Variants in GRIP1 observed in about 807,000 individuals in gnomAD.
GRIP1 encodes glutamate receptor-interacting protein 1.
GRIP1 carries 45 observed loss-of-function variants against 129.9 expected under a neutral mutation model. That is an observed-to-expected ratio of 0.35 (90% confidence interval 0.27 to 0.44). The LOEUF (loss-of-function observed/expected upper bound fraction) is 0.44, where lower values mean the gene tolerates loss of function less well. GRIP1 is among the 20% of genes least tolerant of loss of function. The probability of loss-of-function intolerance (pLI) is 1.00; values close to 1 mark genes in which losing one functional copy is unlikely to be tolerated. For synonymous variants in GRIP1, 530 were observed against 520.8 expected (o/e 1.02, Z -0.24); for missense variants, 1,196 against 1,396.8 (o/e 0.86, Z 2.29).
At chr12:66,399,087 T>TA (rs2056893960) in intron 16 of GRIP1, among the ~76,000 whole-genome samples, 1 of 151,974 alleles carries the variant, frequency 6.6e-6, no homozygotes, top group Admixed American at 6.5e-5. Context: ...GCTTCCCTGC[T>TA]ATGCCAAGGT....
At chr12:66,457,408 C>A (rs1348225683) in intron 9 of GRIP1, among the ~76,000 whole-genome samples, 1 of 152,166 alleles carries the variant, frequency 6.6e-6, no homozygotes, top group East Asian at 1.9e-4. Context: ...GCTGGCACTA[C>A]AGGCCCACGC....
At chr12:66,718,478 T>G (rs2035960025) in intron 1 of GRIP1, among the ~76,000 whole-genome samples, 1 of 152,206 alleles carries the variant, frequency 6.6e-6, no homozygotes, top group Non-Finnish European at 1.5e-5. Flanking sequence ...ACATAGGTAT[T>G]TCCATGATCA....
At chr12:66,861,528 A>G (rs2040111415) in intron 1 of GRIP1, among the ~76,000 whole-genome samples, 1 of 152,122 alleles carries the variant, frequency 6.6e-6, no homozygotes, top group Non-Finnish European at 1.5e-5. Context: ...AAGTAGAACA[A>G]TTTTATAGAG....
At chr12:66,605,237 A>G (rs1035477097) in intron 1 of GRIP1, among the ~76,000 whole-genome samples, 2 of 152,150 alleles carry the variant, frequency 1.3e-5, no homozygotes, top group Non-Finnish European at 2.9e-5. Context: ...TGAATCATTT[A>G]AACAATTATA....
At chr12:66,627,165 T>C (rs1170355908) in intron 1 of GRIP1, among the ~76,000 whole-genome samples, 4 of 152,200 alleles carry the variant, frequency 2.6e-5, no homozygotes, top group Admixed American at 2.6e-4. Context: ...TATATTACTA[T>C]TGGCTCTTCA....
intron 1 of GRIP1, among the ~76,000 whole-genome samples, chr12:67,054,350 CAG>C (rs1476670701): frequency 6.6e-6 from 1 of 152,134 alleles, no homozygotes; most frequent in African/African-American, 2.4e-5. Flanking sequence ...AGTAACGAAA[CAG>C]ATAAAAATTC....
At chr12:66,469,485 T>C (rs914214785) in intron 7 of GRIP1, among the ~76,000 whole-genome samples, 1 of 152,160 alleles carries the variant, frequency 6.6e-6, no homozygotes, top group Non-Finnish European at 1.5e-5. Flanking sequence ...TGTATGACAA[T>C]AACAATATCC....
chr12:66,868,865 C>T (rs187153491), intron 1 of GRIP1, among the ~76,000 whole-genome samples: 4 of 152,110 alleles, frequency 2.6e-5, no homozygotes, highest in East Asian at 3.9e-4. Context: ...GATAAAACAG[C>T]GAAACATGAG....
At chr12:66,652,698 G>A (rs563941058) in intron 1 of GRIP1, among the ~76,000 whole-genome samples, 1 of 152,348 alleles carries the variant, frequency 6.6e-6, no homozygotes, top group South Asian at 2.1e-4. Flanking sequence ...GCATTTCCCT[G>A]CTGATCTGAG....
At chr12:66,926,711 G>A (rs2041301729) in intron 1 of GRIP1, among the ~76,000 whole-genome samples, 1 of 152,200 alleles carries the variant, frequency 6.6e-6, no homozygotes, top group South Asian at 2.1e-4. Flanking sequence ...TTTGTGAGGT[G>A]CCCAGTCTAT....
chr12:66,837,210 G>C (rs2137036553), intron 1 of GRIP1, among the ~76,000 whole-genome samples: 1 of 152,286 alleles, frequency 6.6e-6, no homozygotes, highest in South Asian at 2.1e-4. Context: ...GCCATAACAG[G>C]CCTGCGGGAT....
intron 1 of GRIP1, among the ~76,000 whole-genome samples, chr12:66,895,224 G>A (rs2040726086): frequency 6.6e-6 from 1 of 152,154 alleles, no homozygotes; most frequent in Non-Finnish European, 1.5e-5. Context: ...CATGTCATGG[G>A]AAGGACCTGG....
chr12:66,921,963 A>G (rs1051444078), intron 1 of GRIP1, among the ~76,000 whole-genome samples: 3 of 152,232 alleles, frequency 2.0e-5, no homozygotes, highest in Non-Finnish European at 4.4e-5. Flanking sequence ...GCAAGGAAAG[A>G]GGATTAGAAA....
chr12:66,550,964 GAA>G (rs2062106840), intron 2 of GRIP1, among the ~76,000 whole-genome samples: 2 of 152,098 alleles, frequency 1.3e-5, no homozygotes, highest in Admixed American at 1.3e-4. Context: ...TTTTCCTTTG[GAA>G]AAACTTTCCA....
chr12:66,551,206 T>A (rs77772249), intron 2 of GRIP1, among the ~76,000 whole-genome samples: 1 of 152,348 alleles, frequency 6.6e-6, no homozygotes, highest in Non-Finnish European at 1.5e-5. Flanking sequence ...TGGTAGAGGC[T>A]AGTATTTTGA....
intron 7 of GRIP1, among the ~76,000 whole-genome samples, chr12:66,492,189 T>C (rs1205690618): frequency 6.6e-6 from 1 of 152,034 alleles, no homozygotes; most frequent in African/African-American, 2.4e-5. Context: ...AAAAGTATCC[T>C]AGTTCTTTCA....
At chr12:66,438,390 G>C (rs753900717) in intron 13 of GRIP1, among the ~76,000 whole-genome samples, 11 of 152,100 alleles carry the variant, frequency 7.2e-5, no homozygotes, top group Non-Finnish European at 7.4e-5. Context: ...AGGAACCCCA[G>C]AGAAACAGTA....
intron 1 of GRIP1, among the ~76,000 whole-genome samples, chr12:66,788,223 A>C (rs546573181): frequency 6.6e-6 from 1 of 152,150 alleles, no homozygotes; most frequent in African/African-American, 2.4e-5. Context: ...AATACAAAAA[A>C]CACAAAAATA....
At chr12:67,051,164 G>C (rs906461121) in intron 1 of GRIP1, among the ~76,000 whole-genome samples, 2 of 152,050 alleles carry the variant, frequency 1.3e-5, no homozygotes, top group Non-Finnish European at 2.9e-5. Context: ...CAGGAACATA[G>C]GCAGAGCCTG....
Sources: allele counts gnomAD v4.1 joint callset (sites outside exome capture counted in the v4.1 genomes callset), GRCh38; gene constraint gnomAD v4.1.1; transcripts MANE v1.5; gene names NCBI Gene and HGNC (gene_info 2026-07-23, HGNC 2026-07-21).